PTPA: variants seen among roughly 807,000 people sequenced by gnomAD.
PTPA encodes protein phosphatase 2 phosphatase activator, also known as serine/threonine-protein phosphatase 2A activator.
A neutral mutation model predicts 43.6 loss-of-function variants in PTPA; 13 were observed. The ratio of observed to expected loss-of-function variants is 0.30; its 90% CI spans 0.19 to 0.47. PTPA has a LOEUF of 0.47. Ranked by LOEUF, PTPA falls within the 20% of genes least tolerant of loss-of-function variation. The pLI, the probability that PTPA is intolerant of heterozygous loss-of-function variation, is 0.99. For synonymous variants in PTPA, 172 were observed against 158.2 expected (o/e 1.09, Z -0.66); for missense variants, 329 against 411.9 (o/e 0.80, Z 1.74).
intron 9 of PTPA, among the ~76,000 whole-genome samples, chr9:129,143,945 G>A (rs1851098193): frequency 6.6e-6 from 1 of 151,664 alleles, no homozygotes; most frequent in African/African-American, 2.4e-5. Flanking sequence ...TGTGAGAGGT[G>A]CACATCGCCC....
intron 6 of PTPA, among the ~76,000 whole-genome samples, chr9:129,135,977 AT>A (rs5900827): frequency 0.063 from 9,577 of 151,688 alleles, 419 homozygotes; most frequent in East Asian, 0.2. Flanking sequence ...TTATTTGTTT[AT>A]TTTTTTTGAG....
chr9:129,110,994 T>C (rs770644109), upstream of PTPA: 8 of 1,370,874 alleles, frequency 5.8e-6, no homozygotes, highest in East Asian at 3.2e-4. The surrounding 1 kb of genome is among the most constrained non-coding windows in gnomAD (Gnocchi z 5.3). Flanking sequence ...CGTCCAGCTG[T>C]CTCTCCCCTG....
At chr9:129,128,188 C>T in intron 3 of PTPA, 1 of 493,498 alleles carries the variant, frequency 2.0e-6, no homozygotes, top group East Asian at 7.1e-5. Flanking sequence ...CCAGGCCCAC[C>T]ATGCTAAACC....
At position 129,123,012 on chromosome 9, in the gene PTPA, C is replaced by G. The variant is rs1324151487; in HGVS notation, c.130-40C>G. ...GGGCAGGTGGGGCGGGGGGGTCTGC[C>G]ACCCCTCTCCCCATCCCCATTCTCC... is the stretch of plus-strand genomic sequence containing the variant. On this transcript the variant is annotated intron_variant, in intron 2 of 9. Transcript: ENST00000393370. The G allele has an allele frequency of 4.7e-6, 7 of 1,489,064 alleles. No individual in the cohort carries two copies. The African/African-American group carries it at 9.7e-5, about 21-fold the overall frequency. 92.2% of individuals were successfully genotyped at this position (1,489,064 alleles called of 1,614,324 possible).
intron 8 of PTPA, chr9:129,141,967 C>A (rs1850880635): frequency 7.9e-6 from 1 of 126,154 alleles, no homozygotes; most frequent in African/African-American, 3.0e-5. Flanking sequence ...GGGGGTGGGC[C>A]TGGAGGGGTG....
At chr9:129,112,771 G>C (rs562891208) in intron 1 of PTPA, among the ~76,000 whole-genome samples, 1 of 152,088 alleles carries the variant, frequency 6.6e-6, no homozygotes, top group Non-Finnish European at 1.5e-5. Flanking sequence ...GAGAAACTCC[G>C]TCTCTTCTAA....
chr9:129,146,935 G>A (rs181702149), intron 9 of PTPA, among the ~76,000 whole-genome samples: 7 of 152,364 alleles, frequency 4.6e-5, no homozygotes, highest in Admixed American at 4.6e-4. Context: ...GTGCCAAGAT[G>A]CCTTTTTCAG....
chr9:129,114,888 A>C (rs1848766852), intron 1 of PTPA, among the ~76,000 whole-genome samples: 1 of 152,258 alleles, frequency 6.6e-6, no homozygotes, highest in East Asian at 1.9e-4. Flanking sequence ...TTTCATCAGT[A>C]ATTTGTTATA....
chr9:129,134,617 T>C (rs926913105), intron 5 of PTPA, among the ~76,000 whole-genome samples, 178 bp from the exon 6 acceptor site: 2 of 152,166 alleles, frequency 1.3e-5, no homozygotes, highest in East Asian at 3.9e-4. Flanking sequence ...ACTGGTATTA[T>C]AGTTCTTGAA....
At chr9:129,120,720 C>A in intron 2 of PTPA, 110 bp downstream of exon 2, 1 of 904,434 alleles carries the variant, frequency 1.1e-6, no homozygotes. Flanking sequence ...CCTGACTTTT[C>A]AGAAGCTAGG....
At position 129,144,422 on chromosome 9, in the gene PTPA, C is replaced by T. The variant is rs146197888; in HGVS notation, c.894+1870C>T. Among the ~76,000 whole-genome samples, 1,086 of 152,160 alleles carry T rather than the reference C, an allele frequency of 7.1e-3. 4 individuals carry two copies. The highest frequency in any genetic ancestry group is 0.013 in the Non-Finnish European group (850 of 67,982). Reference sequence around the variant, plus strand: ...GGGGACAGGCTCCTGTATAGGGTGACGCTGGAACTCCCTGACTTTAAGATC... The same window carrying T: ...GGGGACAGGCTCCTGTATAGGGTGATGCTGGAACTCCCTGACTTTAAGATC... On this transcript the variant is annotated intron_variant, in intron 9 of 9. Transcript: ENST00000393370.
chr9:129,141,926 C>CCACG, intron 8 of PTPA: 1 of 152,488 alleles, frequency 6.6e-6, no homozygotes, highest in East Asian at 1.9e-4. Context: ...CAGGTGCAGA[C>CCACG]CACGTGTCCT....
chr9:129,143,437 C>T (rs1222280940), intron 9 of PTPA: 9 of 702,880 alleles, frequency 1.3e-5, no homozygotes, highest in Non-Finnish European at 1.6e-5. Context: ...CTCTTGACTC[C>T]TGGCCGGCCT....
At chr9:129,123,429 G>A (rs1031120527) in intron 3 of PTPA, among the ~76,000 whole-genome samples, 6 of 150,752 alleles carry the variant, frequency 4.0e-5, no homozygotes, top group Non-Finnish European at 5.9e-5. Flanking sequence ...CTGAGATCGC[G>A]CCACTGCACT....
chr9:129,134,993 G>C, intron 6 of PTPA, 99 bp downstream of exon 6: 1 of 979,396 alleles, frequency 1.0e-6, no homozygotes, highest in Non-Finnish European at 1.6e-6. Context: ...CTCCTGAGTA[G>C]CTCATGGTTC....
At chr9:129,133,215 C>T (rs748431738) in intron 5 of PTPA, among the ~76,000 whole-genome samples, 1 of 152,250 alleles carries the variant, frequency 6.6e-6, no homozygotes, top group African/African-American at 2.4e-5. Flanking sequence ...CCGCTCAGCC[C>T]TCCCCTTGTC....
At chr9:129,142,408 G>C (rs774700009) in intron 8 of PTPA, 37 bp from the exon 9 acceptor site, 2 of 1,536,590 alleles carry the variant, frequency 1.3e-6, no homozygotes, top group Non-Finnish European at 1.8e-6. Context: ...CTCCCAGCCA[G>C]AACCTGTCTC....
chr9:129,113,174 C>T (rs1274963208), intron 1 of PTPA, among the ~76,000 whole-genome samples: 14 of 151,886 alleles, frequency 9.2e-5, no homozygotes, highest in African/African-American at 7.3e-5. Context: ...GCTGACTGCA[C>T]CCTCTGCCTC....
Position 129,147,375 on chromosome 9 carries a change from C to G in PTPA, c.895-12C>G, listed in dbSNP as rs533990896. 8 of 1,613,606 alleles carry G rather than the reference C, an allele frequency of 5.0e-6. No homozygotes were observed. The African/African-American group carries it at 5.3e-5, about 11-fold the overall frequency. ...GCCCTCACCACTCTGCTCACCTGCT[C>G]CTTCCTCACAGTGCCTGGAGAAGTT... is the stretch of plus-strand genomic sequence containing the variant. On this transcript the variant is annotated splice_polypyrimidine_tract_variant and intron_variant, in intron 9 of 9. Coordinates refer to ENST00000393370, the MANE Select transcript of PTPA (RefSeq NM_178000.3).
Sources: gnomAD v4.1 joint callset for allele counts (sites outside exome capture counted in the v4.1 genomes callset) on GRCh38, gnomAD v4.1.1 for gene constraint, Gnocchi (gnomAD v3.1) non-coding constraint, MANE v1.5 for transcripts, NCBI Gene and HGNC (gene_info 2026-07-23, HGNC 2026-07-21) for gene names.